The following CFAP54 variants were observed in gnomAD, a reference collection of about 807,000 sequenced individuals.
The protein encoded by CFAP54 is cilia and flagella associated protein 54.
A neutral mutation model predicts 370.4 loss-of-function variants in CFAP54; 290 were observed. The observed-to-expected ratio is 0.78, with a 90% confidence interval of 0.71 to 0.86. The LOEUF is 0.86. Ranked by LOEUF, CFAP54 falls within the 40% of genes least tolerant of loss-of-function variation. CFAP54 has a pLI of 0.00. For missense variants in CFAP54, 3,399 were observed against 3,528.7 expected (o/e 0.96, Z 0.93); for synonymous variants, 1,206 against 1,236.5 (o/e 0.98, Z 0.52).
intron 30 of CFAP54, among the ~76,000 whole-genome samples, chr12:96,628,347 G>A (rs1234593573): frequency 2.6e-5 from 4 of 152,196 alleles, no homozygotes; most frequent in Non-Finnish European, 5.9e-5. Flanking sequence ...AGGAGTGGAG[G>A]AGTTTAATTT....
intron 19 of CFAP54, among the ~76,000 whole-genome samples, chr12:96,569,430 G>A (rs1280436789): frequency 6.6e-6 from 1 of 152,138 alleles, no homozygotes; most frequent in Non-Finnish European, 1.5e-5. Context: ...AGGAAAATAA[G>A]TTTGTCTTCT....
intron 64 of CFAP54, among the ~76,000 whole-genome samples, chr12:96,814,043 C>G (rs1250050443): frequency 6.6e-6 from 1 of 152,128 alleles, no homozygotes; most frequent in African/African-American, 2.4e-5. Context: ...CTGCTTTGCC[C>G]GTTCCCAGAC....
chr12:96,788,799 T>G (rs1324249143), intron 62 of CFAP54, among the ~76,000 whole-genome samples: 1 of 152,130 alleles, frequency 6.6e-6, no homozygotes, highest in African/African-American at 2.4e-5. Flanking sequence ...GTTAAAGAAA[T>G]GATTCTCAGT....
chr12:96,654,426 G>A (rs1007104886), intron 36 of CFAP54, among the ~76,000 whole-genome samples: 2 of 151,370 alleles, frequency 1.3e-5, no homozygotes, highest in African/African-American at 2.4e-5. Flanking sequence ...GCGTGAACCC[G>A]GGAGGCGGAG....
rs928896216 is a variant in CFAP54, at chr12:96,875,404, G to T, written c.*301G>T. The T allele has an allele frequency of 6.6e-6, 1 of 152,168 alleles. No homozygotes were observed. The highest frequency in any genetic ancestry group is 1.5e-5 in the Non-Finnish European group (1 of 68,028). 9.4% of individuals were successfully genotyped at this position (152,168 alleles called of 1,614,324 possible). Reference sequence around the variant, plus strand: ...GGGCAGTTTAACTCCTATCTTCTCTGTGAGTTCCAGGTCTGTATATCTCCT... The same window carrying T: ...GGGCAGTTTAACTCCTATCTTCTCTTTGAGTTCCAGGTCTGTATATCTCCT... On this transcript the variant is annotated 3_prime_UTR_variant, in exon 68 of 68. Coordinates refer to ENST00000524981, the MANE Select transcript of CFAP54 (RefSeq NM_001306084.2).
At chr12:96,843,408 C>A (rs182835102) in intron 66 of CFAP54, among the ~76,000 whole-genome samples, 70 of 152,280 alleles carry the variant, frequency 4.6e-4, no homozygotes, top group Non-Finnish European at 9.6e-4. Flanking sequence ...CAATCCCTGA[C>A]GTTTAAATGG....
chr12:96,496,963 T>G (rs1954961814), intron 1 of CFAP54, among the ~76,000 whole-genome samples: 1 of 152,242 alleles, frequency 6.6e-6, no homozygotes, highest in African/African-American at 2.4e-5. Context: ...CTAAGTGGAT[T>G]GACTGGCCAT....
chr12:96,791,894 A>T (rs932178199), intron 62 of CFAP54, among the ~76,000 whole-genome samples: 5 of 150,130 alleles, frequency 3.3e-5, no homozygotes, highest in Admixed American at 1.3e-4. Flanking sequence ...CTCTCGCCCA[A>T]TCTGGAGTGC....
chr12:96,751,879 C>T (rs538916570), intron 55 of CFAP54, among the ~76,000 whole-genome samples: 6 of 152,246 alleles, frequency 3.9e-5, no homozygotes, highest in African/African-American at 1.4e-4. Context: ...AGGGCACCTC[C>T]TCACTTGTTT....
intron 55 of CFAP54, among the ~76,000 whole-genome samples, chr12:96,746,701 A>G (rs1487147097): frequency 6.6e-6 from 1 of 151,826 alleles, no homozygotes; most frequent in Non-Finnish European, 1.5e-5. Flanking sequence ...TTCCCACCCA[A>G]CCCTCTGGTC....
intron 26 of CFAP54, among the ~76,000 whole-genome samples, chr12:96,610,718 A>C (rs1422997614): frequency 6.6e-6 from 1 of 152,234 alleles, no homozygotes; most frequent in Admixed American, 6.5e-5. Flanking sequence ...CAGTCTTAGC[A>C]AATGGCACAC....
Position 96,810,295 on chromosome 12 carries a change from T to A in CFAP54, c.8851-1441T>A, listed in dbSNP as rs147162796. Among the ~76,000 whole-genome samples the A allele has an allele frequency of 3.9e-5, 6 of 152,274 alleles. No individual in the cohort carries two copies. The East Asian group carries it at 1.2e-3, about 29-fold the overall frequency. On this transcript the variant is annotated intron_variant, in intron 63 of 67. Coordinates refer to ENST00000524981, the MANE Select transcript of CFAP54 (RefSeq NM_001306084.2). The stretch of plus-strand genomic sequence containing the variant: ...TCTTCCAGGTGCTTTCTGTCCTTCA[T>A]AGTGTTGCTAACATCTTTTGTCTGC...
intron 32 of CFAP54, among the ~76,000 whole-genome samples, chr12:96,636,085 C>T (rs902752681): frequency 1.7e-4 from 26 of 152,168 alleles, no homozygotes; most frequent in Non-Finnish European, 3.7e-4. Context: ...TATCTAGAGG[C>T]TCTACCCTGA....
intron 60 of CFAP54, among the ~76,000 whole-genome samples, chr12:96,771,614 T>A (rs1405710404): frequency 6.6e-6 from 1 of 152,094 alleles, no homozygotes; most frequent in Non-Finnish European, 1.5e-5. Flanking sequence ...ATAGCGCCAC[T>A]GCACTCCGGC....
In CFAP54 at chr12:96,786,678, C is replaced by G; in HGVS notation, c.8459C>G (p.Ser2820Cys). ...RINNLSKLLA[S>C]ATPVSGISLP... ...TAAGGTATTTTTCTTTCTTAAGCAT[C>G]TGCAACACCAGTATCTGGAATTTCT... The change falls in exon 62 of 68, where the codon TCT (serine) becomes TGT (cysteine). Residue 2820 changes from serine to cysteine, a missense_variant. Ser to Cys is a moderately radical substitution (Grantham distance 112). Coordinates refer to ENST00000524981, the MANE Select transcript of CFAP54 (RefSeq NM_001306084.2). 7 of 1,526,736 alleles carry G rather than the reference C, an allele frequency of 4.6e-6. No homozygotes were observed. The highest frequency in any genetic ancestry group is 6.1e-6 in the Non-Finnish European group (7 of 1,140,996). 94.6% of individuals were successfully genotyped at this position (1,526,736 alleles called of 1,614,324 possible). A position where few individuals can be genotyped will look rare whatever the true frequency, so the allele number is the denominator to read the frequency against.
At chr12:96,720,118 T>C (rs1957731097) in intron 49 of CFAP54, among the ~76,000 whole-genome samples, 1 of 152,230 alleles carries the variant, frequency 6.6e-6, no homozygotes. Flanking sequence ...AATCAGTGTT[T>C]GCAAGAACTT....
At chr12:96,551,147 TGTA>T (rs1565893733) in intron 15 of CFAP54, among the ~76,000 whole-genome samples, 2 of 145,586 alleles carry the variant, frequency 1.4e-5, no homozygotes, top group African/African-American at 5.2e-5. Flanking sequence ...GACATGTGCC[TGTA>T]GTCCTAGCTA....
rs574408067 is a variant in CFAP54, at chr12:96,565,356, T to C, written c.2619+591T>C. Among the ~76,000 whole-genome samples the C allele has an allele frequency of 1.3e-4, 20 of 152,194 alleles. No homozygotes were observed. The South Asian group carries it at 4.2e-3, about 32-fold the overall frequency. On this transcript the variant is annotated intron_variant, in intron 19 of 67. Coordinates refer to ENST00000524981, the MANE Select transcript of CFAP54 (RefSeq NM_001306084.2). ...TTAAATGGTCCTACCACCTCAGCCT[T>C]CCAGTGGGTGGGACTACAGACATGC...
intron 32 of CFAP54, among the ~76,000 whole-genome samples, chr12:96,634,668 C>T (rs1956645843): frequency 6.6e-6 from 1 of 152,006 alleles, no homozygotes; most frequent in Non-Finnish European, 1.5e-5. Context: ...AAACTTTTTG[C>T]CTAATCGTAG....
Sources: gnomAD v4.1 joint callset for allele counts (sites outside exome capture counted in the v4.1 genomes callset) on GRCh38, gnomAD v4.1.1 for gene constraint, MANE v1.5 for transcripts, NCBI Gene and HGNC (gene_info 2026-07-23, HGNC 2026-07-21) for gene names.